Variants in TNR observed in about 807,000 individuals in gnomAD.
TNR encodes the protein tenascin R, also known as tenascin-R.
Under a neutral mutation model 150.4 loss-of-function variants are expected in TNR, and 45 were observed. That is an observed-to-expected ratio of 0.30 (90% confidence interval 0.24 to 0.38). TNR has a LOEUF of 0.38. Ranked by LOEUF, TNR falls within the 10% of genes least tolerant of loss-of-function variation. The pLI is 1.00. For synonymous variants in TNR, 687 were observed against 678.4 expected (o/e 1.01, Z -0.20); for missense variants, 1,544 against 1,759.1 (o/e 0.88, Z 2.19).
chr1:175,356,227 C>G (rs532792980), intron 16 of TNR, 92 bp downstream of exon 16: 5 of 1,536,154 alleles, frequency 3.3e-6, no homozygotes, highest in East Asian at 4.5e-5. Flanking sequence ...CTGTCCAAAG[C>G]CTGTAAGTGA....
rs1653293102 is a variant in TNR at position 175,393,837 on chromosome 1, C to T, written c.1299G>A (p.Val433=). The change falls in exon 6 of 23, where the codon GTG becomes GTA. Residue 433 remains valine (V), a synonymous_variant. Coordinates refer to ENST00000367674, the MANE Select transcript of TNR (RefSeq NM_003285.3). ...AGGAAAATGAGAAGGGCTCCCACTG[C>T]ACCTCCACGGTGGTCTCTGTGATCG... ...FKTITETTVE[V]QWEPFSFSFD... 1 of 1,614,216 alleles carries T rather than the reference C, an allele frequency of 6.2e-7. No homozygotes were observed. Among genetic ancestry groups the T allele is most frequent in the Non-Finnish European group, 8.5e-7 (1 of 1,180,036 alleles).
intron 14 of TNR, among the ~76,000 whole-genome samples, chr1:175,362,342 AC>A (rs1284075382): frequency 4.6e-5 from 7 of 152,194 alleles, no homozygotes; most frequent in Admixed American, 3.9e-4. Context: ...TGAGTCTTTT[AC>A]AAAATCAGAT....
In TNR at chr1:175,707,905, A is replaced by G. The variant is rs116623024; in HGVS notation, c.-165+35321T>C. Among the ~76,000 whole-genome samples the G allele has an allele frequency of 6.8e-3, 1,042 of 152,270 alleles. 13 individuals are homozygous for G. Among genetic ancestry groups the G allele is most frequent in the African/African-American group, 0.024 (989 of 41,540 alleles). ...TAGGTTTGCTTTAGTTTGGTGTTTT[A>G]TAAAGAAAAAACAGGGCTACATAAT... On this transcript the variant is annotated intron_variant, in intron 1 of 22. Coordinates refer to ENST00000367674, the MANE Select transcript of TNR (RefSeq NM_003285.3).
At chr1:175,729,319 A>T (rs1667565722) in intron 1 of TNR, among the ~76,000 whole-genome samples, 1 of 152,166 alleles carries the variant, frequency 6.6e-6, no homozygotes, top group South Asian at 2.1e-4. Context: ...TCCTCTTTCC[A>T]GAAGAGAAGG....
intron 2 of TNR, among the ~76,000 whole-genome samples, chr1:175,434,411 A>G (rs1340502524): frequency 1.3e-5 from 2 of 152,000 alleles, no homozygotes; most frequent in Non-Finnish European, 2.9e-5. Flanking sequence ...CATTCTCCAG[A>G]TGGTTGGAGA....
In TNR at chr1:175,324,434, C is replaced by T. The variant is rs112885396; in HGVS notation, c.3879G>A (p.Ser1293=). 3,061 of 1,614,112 alleles carry T rather than the reference C, an allele frequency of 1.9e-3. 25 individuals carry two copies. In the African/African-American group the frequency reaches 0.025, roughly 13 times the overall value. ...NDVAVTNCAM[S]YKGAWWYKNC... is the part of the protein sequence containing the mutation. ...TCTTATACCACCATGCTCCCTTGTA[C>T]GACATGGCACAGTTAGTCACTGCAA... Residue 1293 remains serine, a synonymous_variant, in exon 22 of 23, where the codon TCG becomes TCA. Coordinates refer to ENST00000367674, the MANE Select transcript of TNR (RefSeq NM_003285.3).
At position 175,405,888 on chromosome 1, in the gene TNR, C is replaced by A. The variant is rs114753739; in HGVS notation, c.499+328G>T. Among the ~76,000 whole-genome samples the A allele has an allele frequency of 6.2e-3, 937 of 152,222 alleles. 7 individuals carry two copies. The highest frequency in any genetic ancestry group is 0.021 in the African/African-American group (880 of 41,508). On this transcript the variant is annotated intron_variant, in intron 3 of 22. Transcript: ENST00000367674. ...GAAGACAGACATCAAATTCCCTGCT[C>A]GCCATCGAAGTTGCTGTGCTGAACC...
intron 1 of TNR, among the ~76,000 whole-genome samples, chr1:175,631,855 C>T (rs2101873891): frequency 6.6e-6 from 1 of 152,248 alleles, no homozygotes; most frequent in South Asian, 2.1e-4. Context: ...TTTCTTTATG[C>T]TTCTCTACAC....
chr1:175,398,407 T>C (rs966931752), intron 4 of TNR, among the ~76,000 whole-genome samples: 2 of 152,254 alleles, frequency 1.3e-5, no homozygotes, highest in African/African-American at 4.8e-5. Context: ...AAATAAGCTT[T>C]CAAATGATGT....
At chr1:175,468,590 G>T (rs1412960891) in intron 2 of TNR, among the ~76,000 whole-genome samples, 2 of 152,178 alleles carry the variant, frequency 1.3e-5, no homozygotes, top group African/African-American at 4.8e-5. Flanking sequence ...CTGAGGAAAT[G>T]GGGAAGAATC....
At chr1:175,396,143 C>T (rs533465541) in intron 5 of TNR, among the ~76,000 whole-genome samples, 59 of 152,292 alleles carry the variant, frequency 3.9e-4, no homozygotes, top group Admixed American at 1.9e-3. Context: ...CACTTATGGT[C>T]GAGAACACAC....
intron 8 of TNR, among the ~76,000 whole-genome samples, chr1:175,382,763 G>T (rs1652740489): frequency 6.6e-6 from 1 of 152,136 alleles, no homozygotes; most frequent in Non-Finnish European, 1.5e-5. Context: ...AGCTGGGCAT[G>T]GTGGCAGGTG....
chr1:175,399,229 T>C (rs1239754477), intron 4 of TNR, among the ~76,000 whole-genome samples: 1 of 152,222 alleles, frequency 6.6e-6, no homozygotes, highest in East Asian at 1.9e-4. Context: ...CCAGGTTTCC[T>C]ATGCAGGACT....
chr1:175,603,215 C>A (rs1558033251), intron 1 of TNR, among the ~76,000 whole-genome samples: 1 of 152,148 alleles, frequency 6.6e-6, no homozygotes, highest in East Asian at 1.9e-4. Context: ...TGACAGAGAC[C>A]TTTTTTTCTA....
At chr1:175,416,244 T>A (rs910188308) in intron 2 of TNR, among the ~76,000 whole-genome samples, 2 of 152,148 alleles carry the variant, frequency 1.3e-5, no homozygotes, top group African/African-American at 4.8e-5. Flanking sequence ...ATGAGATTAT[T>A]CCCATTTTAT....
intron 12 of TNR, 61 bp from the exon 13 acceptor site, chr1:175,363,888 C>A: frequency 6.4e-7 from 1 of 1,560,264 alleles, no homozygotes; most frequent in South Asian, 1.2e-5. Context: ...AAGAAATTCT[C>A]ATCCCTGGTT....
At chr1:175,625,970 G>A (rs180751194) in intron 1 of TNR, among the ~76,000 whole-genome samples, 8 of 152,150 alleles carry the variant, frequency 5.3e-5, no homozygotes, top group Non-Finnish European at 1.0e-4. Flanking sequence ...AGGGACCCGG[G>A]GGGGAGGTAA....
intron 21 of TNR, among the ~76,000 whole-genome samples, chr1:175,325,805 G>A (rs1480933457): frequency 6.6e-6 from 1 of 151,800 alleles, no homozygotes; most frequent in African/African-American, 2.4e-5. Flanking sequence ...ACTCATAGGT[G>A]GGAATTGAAC....
At chr1:175,553,110 A>G (rs1471169989) in intron 1 of TNR, among the ~76,000 whole-genome samples, 2 of 152,190 alleles carry the variant, frequency 1.3e-5, no homozygotes, top group Admixed American at 6.5e-5. Context: ...ATTTCACATC[A>G]TATTTTAATC....
Sources: gnomAD v4.1 joint callset for allele counts (sites outside exome capture counted in the v4.1 genomes callset) on GRCh38, gnomAD v4.1.1 for gene constraint, MANE v1.5 for transcripts, NCBI Gene and HGNC (gene_info 2026-07-23, HGNC 2026-07-21) for gene names.